Variants in PPP1R1B observed in about 807,000 individuals in gnomAD.
The protein encoded by PPP1R1B is protein phosphatase 1 regulatory subunit 1B.
A neutral mutation model predicts 28.2 loss-of-function variants in PPP1R1B; 13 were observed. The ratio of observed to expected loss-of-function variants is 0.46; its 90% CI spans 0.30 to 0.73. The LOEUF is 0.73. PPP1R1B is among the 30% of genes least tolerant of loss of function. PPP1R1B has a pLI of 0.07. For synonymous variants in PPP1R1B, 102 were observed against 97.5 expected, an observed-to-expected ratio of 1.05 and a Z score of -0.27; for missense variants, 236 against 256.7, an observed-to-expected ratio of 0.92 and a Z score of 0.55.
In PPP1R1B at chr17:39,636,016, C is replaced by A; in HGVS notation, c.*151C>A. On this transcript the variant is annotated 3_prime_UTR_variant, in exon 7 of 7. Transcript: ENST00000254079. Reference sequence around the variant, plus strand: ...GAAGACTAAGGCTGGTCTGTGTTTGCTTGTTTGCCCACCTTTGGCTGATAC... The same window carrying A: ...GAAGACTAAGGCTGGTCTGTGTTTGATTGTTTGCCCACCTTTGGCTGATAC... 2 of 888,636 alleles carry A rather than the reference C, an allele frequency of 2.3e-6. 1 individual carries two copies. Among genetic ancestry groups the A allele is most frequent in the Non-Finnish European group, 3.4e-6 (2 of 593,396 alleles). The allele number at this position is 888,636 out of a possible 1,614,324, so 55.0% of individuals were successfully genotyped here.
chr17:39,627,905 G>A (rs2056849077), intron 1 of PPP1R1B, among the ~76,000 whole-genome samples: 1 of 152,080 alleles, frequency 6.6e-6, no homozygotes, highest in African/African-American at 2.4e-5. Flanking sequence ...ACCCAGGGCA[G>A]GAGTATGAGG....
At chr17:39,632,719 G>A (rs1330594391) in intron 4 of PPP1R1B, 4 of 152,328 alleles carry the variant, frequency 2.6e-5, no homozygotes, top group Non-Finnish European at 5.9e-5. Flanking sequence ...GCCAGCAGGA[G>A]GTACTGGGCT....
chr17:39,633,948 G>T lies in PPP1R1B; in HGVS notation c.307G>T (p.Glu103Ter). The T allele has an allele frequency of 6.2e-7, 1 of 1,613,960 alleles. No homozygotes were observed. The highest frequency in any genetic ancestry group is 8.5e-7 in the Non-Finnish European group (1 of 1,179,906). Reference protein sequence around the residue: ...ISNLNENQASEEEDELGELRE... With the variant: ...ISNLNENQAS Reference sequence around the variant, plus strand: ...CAATTTGAATGAGAACCAGGCCTCAGAGGAGGAGGATGAGCTGGGGGAGCT... The same window carrying T: ...CAATTTGAATGAGAACCAGGCCTCATAGGAGGAGGATGAGCTGGGGGAGCT... Residue 103 changes from glutamate (E) to a stop codon, truncating the protein, a stop_gained, in exon 5 of 7, where the codon GAG (glutamate) becomes TAG (stop). Coordinates refer to ENST00000254079, the MANE Select transcript of PPP1R1B (RefSeq NM_032192.4). LOFTEE classifies it high-confidence loss of function.
At chr17:39,634,969 G>A (rs2056906391) in intron 5 of PPP1R1B, among the ~76,000 whole-genome samples, 1 of 152,218 alleles carries the variant, frequency 6.6e-6, no homozygotes, top group African/African-American at 2.4e-5. Flanking sequence ...GCCAAGGCTA[G>A]CGGATCACTT....
Position 39,636,332 on chromosome 17 carries a change from G to A in PPP1R1B, c.*467G>A, listed in dbSNP as rs1295326073. Reference sequence around the variant, plus strand: ...ATTCCAAGTCACCACTTCTCTCACCGGCTTCTACCAGGGTCCAGGACTAAG... The same window carrying A: ...ATTCCAAGTCACCACTTCTCTCACCAGCTTCTACCAGGGTCCAGGACTAAG... On this transcript the variant is annotated 3_prime_UTR_variant, in exon 7 of 7. Coordinates refer to ENST00000254079, the MANE Select transcript of PPP1R1B (RefSeq NM_032192.4). 2.5e-5 allele frequency: 4 copies of A among 160,430 alleles called. No homozygotes were observed. The highest frequency in any genetic ancestry group is 1.8e-4 in the Admixed American group (3 of 16,458). The allele number at this position is 160,430 out of a possible 1,614,324, so 9.9% of individuals were successfully genotyped here. A position where few individuals can be genotyped will look rare whatever the true frequency, so the allele number is the denominator to read the frequency against.
chr17:39,628,641 G>GACAACCAACCAGTATGGGGTGCCAC, intron 1 of PPP1R1B: 1 of 986,818 alleles, frequency 1.0e-6, no homozygotes, highest in Admixed American at 6.1e-5. Flanking sequence ...TGCCTGCAGT[G>GACAACCAACCAGTATGGGGTGCCAC]CGCTGGCTCA....
rs1308624541 is a variant in PPP1R1B, at chr17:39,629,249, A to C, written c.142+19A>C. ...TCACCAGGTAGGCCCCTCCCTGCCC[A>C]CTTAGCCCTGGCCCCACCCTAGCTC... is the stretch of plus-strand genomic sequence containing the variant. On this transcript the variant is annotated intron_variant, in intron 2 of 6. Transcript: ENST00000254079. 4 of 1,611,632 alleles carry C rather than the reference A, an allele frequency of 2.5e-6. No homozygotes were observed. Among genetic ancestry groups the C allele is most frequent in the African/African-American group, 2.7e-5 (2 of 74,676 alleles).
rs532223906 is a variant in PPP1R1B at position 39,627,354 on chromosome 17, G to A, written c.-39G>A. ...CAGCACAGACCGCCGCCGGGACCCC[G>A]AGTCGCGCACCCCAGCCCCACCGCC... On this transcript the variant is annotated 5_prime_UTR_variant, in exon 1 of 7. Coordinates refer to ENST00000254079, the MANE Select transcript of PPP1R1B (RefSeq NM_032192.4). 11 of 1,465,712 alleles carry A rather than the reference G, an allele frequency of 7.5e-6. No individual in the cohort carries two copies. The East Asian group carries it at 1.2e-4, about 16-fold the overall frequency. The allele number at this position is 1,465,712 out of a possible 1,614,324, so 90.8% of individuals were successfully genotyped here.
rs770841761 is a variant in PPP1R1B at position 39,635,727 on chromosome 17, G to A, written c.565+1G>A. 5 of 1,614,042 alleles carry A rather than the reference G, an allele frequency of 3.1e-6. No individual in the cohort carries two copies. On this transcript the variant is annotated splice_donor_variant, in intron 6 of 6. Coordinates refer to ENST00000254079, the MANE Select transcript of PPP1R1B (RefSeq NM_032192.4). LOFTEE classifies it high-confidence loss of function. ...CAAGTGGAAGACCCAGCACTAAGTG[G>A]TAAGGCTTGGGAGTGTGAAATGGGG...
intron 1 of PPP1R1B, chr17:39,628,389 C>A: frequency 4.9e-6 from 2 of 409,292 alleles, no homozygotes; most frequent in Non-Finnish European, 6.5e-6. Flanking sequence ...TTCCCTGGAG[C>A]TCAACAGGGA....
Position 39,636,129 on chromosome 17 carries a change from C to A in PPP1R1B, c.*264C>A. ...AGCGGGAGGTGGGATGTGAGACAGC[C>A]CACATTGGAAAATCCAGAAAACCGG... On this transcript the variant is annotated 3_prime_UTR_variant, in exon 7 of 7. Transcript: ENST00000254079. The A allele has an allele frequency of 1.9e-6, 1 of 521,798 alleles. No individual in the cohort carries two copies. The highest frequency in any genetic ancestry group is 3.5e-6 in the Non-Finnish European group (1 of 289,354). The allele number at this position is 521,798 out of a possible 1,614,324, so 32.3% of individuals were successfully genotyped here.
rs371198090 is a variant in PPP1R1B at position 39,634,074 on chromosome 17, A to T, written c.433A>T (p.Ile145Phe). The change falls in exon 5 of 7, where the codon ATC becomes TTC. Residue 145 changes from isoleucine (I) to phenylalanine (F), a missense_variant. Transcript: ENST00000254079. Reference sequence around the variant, plus strand: ...CAGCCAGGCTGAAGTCCTGAAGGTCATCAGGCAGTCTGGTAAGCTGAGGGG... The same window carrying T: ...CAGCCAGGCTGAAGTCCTGAAGGTCTTCAGGCAGTCTGGTAAGCTGAGGGG... ...EDSQAEVLKV[I>F]RQSAGQKTTC... 1 of 1,613,760 alleles carries T rather than the reference A, an allele frequency of 6.2e-7. No individual in the cohort carries two copies. The highest frequency in any genetic ancestry group is 1.3e-5 in the African/African-American group (1 of 74,942).
chr17:39,636,167 G>A lies in PPP1R1B; in HGVS notation c.*302G>A, dbSNP rs2056921956. 4.5e-6 allele frequency: 2 copies of A among 439,940 alleles called. No homozygotes were observed. Among genetic ancestry groups the A allele is most frequent in the East Asian group, 4.2e-5 (1 of 23,560 alleles). 27.3% of individuals were successfully genotyped at this position (439,940 alleles called of 1,614,324 possible). A position where few individuals can be genotyped will look rare whatever the true frequency, so the allele number is the denominator to read the frequency against. Reference sequence around the variant, plus strand: ...TCCAGAAAACCGGGAACAGGGATTTGCCCTTCACAATTCTACTCCCCAGAT... The same window carrying A: ...TCCAGAAAACCGGGAACAGGGATTTACCCTTCACAATTCTACTCCCCAGAT... On this transcript the variant is annotated 3_prime_UTR_variant, in exon 7 of 7. Transcript: ENST00000254079.
At chr17:39,633,462 T>C (rs1180910833) in intron 4 of PPP1R1B, 3 of 181,362 alleles carry the variant, frequency 1.7e-5, no homozygotes, top group Non-Finnish European at 3.5e-5. Flanking sequence ...AAGTGGCAAA[T>C]CCCCAGGCCC....
chr17:39,627,281 C>CCCT lies in PPP1R1B; in HGVS notation c.-101_-99dup. 1.4e-6 allele frequency: 1 copy of CCCT among 698,042 alleles called. No individual in the cohort carries two copies. The highest frequency in any genetic ancestry group is 2.2e-6 in the Non-Finnish European group (1 of 446,592). 43.2% of individuals were successfully genotyped at this position (698,042 alleles called of 1,614,324 possible). A position where few individuals can be genotyped will look rare whatever the true frequency, so the allele number is the denominator to read the frequency against. On this transcript the variant is annotated 5_prime_UTR_variant, in exon 1 of 7. Coordinates refer to ENST00000254079, the MANE Select transcript of PPP1R1B (RefSeq NM_032192.4). Reference sequence around the variant, plus strand: ...GGTATTTTTATCCGTGCGCGAACAGCCCTCCTCCTCCTCTCGCCGCACAGC... The same window carrying CCCT: ...GGTATTTTTATCCGTGCGCGAACAGCCCTCCTCCTCCTCCTCTCGCCGCACAGC...
intron 4 of PPP1R1B, among the ~76,000 whole-genome samples, chr17:39,631,509 C>A (rs942037477): frequency 6.6e-6 from 1 of 152,200 alleles, no homozygotes; most frequent in East Asian, 1.9e-4. Context: ...CAACCCCCCA[C>A]CTCAACTCCT....
intron 5 of PPP1R1B, 69 bp from the exon 6 acceptor site, chr17:39,635,538 G>C: frequency 6.4e-7 from 1 of 1,559,320 alleles, no homozygotes; most frequent in Non-Finnish European, 8.7e-7. Context: ...CAGACACTTA[G>C]CTCACACTCC....
At chr17:39,629,914 G>A (rs1046798090) in intron 3 of PPP1R1B, 58 bp from the exon 4 acceptor site, 2 of 1,522,782 alleles carry the variant, frequency 1.3e-6, no homozygotes, top group Admixed American at 1.7e-5. Context: ...TGGAATGGAG[G>A]GATGGTGAAG....
chr17:39,629,793 C>T (rs2056862737), intron 3 of PPP1R1B, 179 bp from the exon 4 acceptor site: 1 of 778,938 alleles, frequency 1.3e-6, no homozygotes. Flanking sequence ...CTGAACCAGG[C>T]CATGGCTTAT....
Sources: allele counts gnomAD v4.1 joint callset (sites outside exome capture counted in the v4.1 genomes callset), GRCh38; gene constraint gnomAD v4.1.1; transcripts MANE v1.5; gene names NCBI Gene and HGNC (gene_info 2026-07-23, HGNC 2026-07-21).